Variants in MPRIP observed in about 807,000 individuals in gnomAD.
MPRIP encodes the protein myosin phosphatase Rho-interacting protein.
MPRIP carries 59 observed loss-of-function variants against 234.9 expected under a neutral mutation model. That is an observed-to-expected ratio of 0.25 (90% CI 0.20 to 0.31). MPRIP has a LOEUF of 0.31. Among genes scored for constraint, MPRIP ranks in the 10% least tolerant of loss-of-function variants. The probability of loss-of-function intolerance (pLI) is 1.00; values close to 1 mark genes in which losing one functional copy is unlikely to be tolerated. For missense variants in MPRIP, 2,436 were observed against 3,071.0 expected, an observed-to-expected ratio of 0.79 and a Z score of 4.89; for synonymous variants, 1,144 against 1,263.9, an observed-to-expected ratio of 0.91 and a Z score of 2.01.
chr17:17,139,097 C>T (rs1342941813), intron 7 of MPRIP, among the ~76,000 whole-genome samples: 3 of 152,226 alleles, frequency 2.0e-5, no homozygotes, highest in Admixed American at 6.5e-5. Flanking sequence ...GGGCAGGGAC[C>T]AGGGGCACAG....
Position 17,184,813 on chromosome 17 carries a change from C to T in MPRIP, c.7207-10C>T. 6.2e-7 allele frequency: 1 copy of T among 1,609,318 alleles called. No homozygotes were observed. The highest frequency in any genetic ancestry group is 1.3e-5 in the African/African-American group (1 of 74,884). ...TGTTTATTTTCTCCTCCTGCTCTGTCTCTACCCAGAGTCTGAAGGAAGGCC... is the reference window on the plus strand; with the variant it reads ...TGTTTATTTTCTCCTCCTGCTCTGTTTCTACCCAGAGTCTGAAGGAAGGCC... On this transcript the variant is annotated splice_polypyrimidine_tract_variant and intron_variant, in intron 23 of 23. Transcript: ENST00000651222.
chr17:17,075,904 G>T, intron 2 of MPRIP, 117 bp downstream of exon 2: 3 of 956,094 alleles, frequency 3.1e-6, no homozygotes, highest in Non-Finnish European at 4.9e-6. Context: ...GGGATAGCAG[G>T]ACCAGCAGGG....
chr17:17,052,901 A>G (rs1261840624), intron 1 of MPRIP, among the ~76,000 whole-genome samples: 2 of 152,194 alleles, frequency 1.3e-5, no homozygotes, highest in Non-Finnish European at 2.9e-5. Flanking sequence ...ACCCACAAGC[A>G]ACCGTGGCGC....
At chr17:17,081,838 C>G (rs1396540205) in intron 3 of MPRIP, among the ~76,000 whole-genome samples, 1 of 152,130 alleles carries the variant, frequency 6.6e-6, no homozygotes, top group African/African-American at 2.4e-5. Flanking sequence ...CCCACGTACC[C>G]TGTAACTGGT....
chr17:17,077,810 C>G, intron 2 of MPRIP: 1 of 574,220 alleles, frequency 1.7e-6, no homozygotes, highest in South Asian at 2.1e-5. Flanking sequence ...GTGATTTGGG[C>G]CTGTCTCCCA....
chr17:17,047,088 C>T (rs992319317), intron 1 of MPRIP, among the ~76,000 whole-genome samples: 5 of 152,178 alleles, frequency 3.3e-5, no homozygotes, highest in African/African-American at 1.2e-4. Flanking sequence ...GGCTGAGGCA[C>T]GAGAATTGCT....
At chr17:17,084,692 G>A (rs1341577870) in intron 3 of MPRIP, among the ~76,000 whole-genome samples, 1 of 152,238 alleles carries the variant, frequency 6.6e-6, no homozygotes, top group Non-Finnish European at 1.5e-5. Flanking sequence ...CTGGAGGCCA[G>A]GCAGGGCTCT....
chr17:17,156,622 C>G (rs752082644), intron 13 of MPRIP, among the ~76,000 whole-genome samples: 34 of 152,134 alleles, frequency 2.2e-4, no homozygotes, highest in Admixed American at 7.2e-4. Flanking sequence ...ACTAGAGGAG[C>G]CTTGTGGGGA....
chr17:17,117,848 T>A (rs2090316147), intron 3 of MPRIP, among the ~76,000 whole-genome samples: 2 of 152,204 alleles, frequency 1.3e-5, no homozygotes. Flanking sequence ...CCATTTTACA[T>A]TAGGGAAACT....
At chr17:17,159,700 G>A (rs562740376) in intron 14 of MPRIP, among the ~76,000 whole-genome samples, 1 of 152,334 alleles carries the variant, frequency 6.6e-6, no homozygotes, top group Non-Finnish European at 1.5e-5. Context: ...GACATGTCTG[G>A]GCAGGGAGTC....
chr17:17,173,795 A>T (rs755127752), intron 18 of MPRIP, 121 bp from the exon 19 acceptor site: 1 of 1,171,526 alleles, frequency 8.5e-7, no homozygotes, highest in South Asian at 1.3e-5. Context: ...AGGCTGATTA[A>T]GACAACAGAC....
intron 22 of MPRIP, chr17:17,179,448 CAAA>C (rs55651414): frequency 4.1e-4 from 30 of 73,026 alleles, no homozygotes; most frequent in African/African-American, 1.2e-3. Flanking sequence ...GACTCCATCT[CAAA>C]AAAAAAAAAA....
At chr17:17,114,991 G>T (rs1268541337) in intron 3 of MPRIP, among the ~76,000 whole-genome samples, 2 of 152,274 alleles carry the variant, frequency 1.3e-5, no homozygotes, top group Non-Finnish European at 2.9e-5. Context: ...GCCCTGAACG[G>T]GTCATTTCCT....
At chr17:17,121,497 A>T (rs2090387448) in intron 3 of MPRIP, among the ~76,000 whole-genome samples, 1 of 77,840 alleles carries the variant, frequency 1.3e-5, no homozygotes, top group Non-Finnish European at 3.2e-5. Flanking sequence ...GTGAGAGGAC[A>T]CGGGAAGAGT....
At chr17:17,180,970 T>G (rs1167673623) in intron 23 of MPRIP, among the ~76,000 whole-genome samples, 2 of 152,226 alleles carry the variant, frequency 1.3e-5, no homozygotes, top group Non-Finnish European at 2.9e-5. Flanking sequence ...GGGACACTTG[T>G]CTTGCCCTCT....
At position 17,164,368 on chromosome 17, in the gene MPRIP, A is replaced by G. The variant is rs1395646614; in HGVS notation, c.2777A>G (p.Asp926Gly). The G allele has an allele frequency of 7.7e-7, 1 of 1,296,992 alleles. No individual in the cohort carries two copies. The highest frequency in any genetic ancestry group is 1.5e-5 in the African/African-American group (1 of 65,936). 80.3% of individuals were successfully genotyped at this position (1,296,992 alleles called of 1,614,324 possible). The change falls in exon 16 of 24, where the codon GAC becomes GGC. Residue 926 changes from aspartate (D) to glycine (G), a missense_variant. This residue lies in a region of MPRIP where 1,998 missense variants were observed against 2,520.3 expected (regional missense o/e 0.79). Transcript: ENST00000651222. ...KEQALAKLKG[D>G]LKREQGRVRE... is the part of the protein sequence containing the mutation. Reference sequence around the variant, plus strand: ...CAGGCGCTGGCCAAGCTCAAGGGCGACCTGAAGCGGGAGCAGGGCCGGGTC... The same window carrying G: ...CAGGCGCTGGCCAAGCTCAAGGGCGGCCTGAAGCGGGAGCAGGGCCGGGTC...
intron 12 of MPRIP, among the ~76,000 whole-genome samples, chr17:17,150,483 T>A (rs1421674532): frequency 6.6e-6 from 1 of 152,220 alleles, no homozygotes; most frequent in African/African-American, 2.4e-5. Context: ...TTTTTGTTTC[T>A]GAAGGTTCCT....
intron 10 of MPRIP, 46 bp downstream of exon 10, chr17:17,146,138 G>C: frequency 6.4e-7 from 1 of 1,562,794 alleles, no homozygotes; most frequent in Non-Finnish European, 8.8e-7. Context: ...CTGGGGACAG[G>C]GTGAGGGTGA....
intron 14 of MPRIP, among the ~76,000 whole-genome samples, chr17:17,159,744 G>A (rs1423913266): frequency 6.6e-6 from 1 of 152,206 alleles, no homozygotes; most frequent in Non-Finnish European, 1.5e-5. Flanking sequence ...TACAGTTTTT[G>A]TAGAACTCCC....
Sources: allele counts gnomAD v4.1 joint callset (sites outside exome capture counted in the v4.1 genomes callset), GRCh38; gene constraint gnomAD v4.1.1; regional missense constraint gnomAD v4.1.1; transcripts MANE v1.5; gene names NCBI Gene and HGNC (gene_info 2026-07-23, HGNC 2026-07-21).